CNTN5: variants seen among roughly 807,000 people sequenced by gnomAD.
CNTN5 encodes contactin 5.
CNTN5 carries 77 observed loss-of-function variants against 129.1 expected under a neutral mutation model. The ratio of observed to expected loss-of-function variants is 0.60; its 90% CI spans 0.50 to 0.72. The LOEUF (loss-of-function observed/expected upper bound fraction) is 0.72, where lower values mean the gene tolerates loss of function less well. CNTN5 is among the 30% of genes least tolerant of loss of function. The probability of loss-of-function intolerance (pLI) is 0.00; values close to 1 mark genes in which losing one functional copy is unlikely to be tolerated. For synonymous variants in CNTN5, 509 were observed against 465.6 expected, an observed-to-expected ratio of 1.09 and a Z score of -1.20; for missense variants, 1,478 against 1,328.8, an observed-to-expected ratio of 1.11 and a Z score of -1.75.
chr11:99,128,750 T>A (rs2135427161), intron 1 of CNTN5, among the ~76,000 whole-genome samples: 1 of 152,262 alleles, frequency 6.6e-6, no homozygotes, highest in Middle Eastern at 3.4e-3. Flanking sequence ...CCCTCTGGGA[T>A]GAAGCTTCCA....
At chr11:99,269,341 G>C (rs369466408) in intron 1 of CNTN5, among the ~76,000 whole-genome samples, 2 of 149,288 alleles carry the variant, frequency 1.3e-5, no homozygotes, top group African/African-American at 5.0e-5. Context: ...ATTTTTATTT[G>C]TTCCCTGATT....
At chr11:99,459,271 G>A (rs1944603914) in intron 2 of CNTN5, among the ~76,000 whole-genome samples, 2 of 152,028 alleles carry the variant, frequency 1.3e-5, no homozygotes, top group South Asian at 2.1e-4. Context: ...TGCCCAACAT[G>A]AAAATTAATA....
chr11:99,742,413 C>A (rs1591075440), intron 3 of CNTN5, among the ~76,000 whole-genome samples: 1 of 152,072 alleles, frequency 6.6e-6, no homozygotes, highest in East Asian at 1.9e-4. Context: ...AAGAAGGAAA[C>A]CTTGGTTCAG....
At chr11:99,129,981 A>C (rs1183278750) in intron 1 of CNTN5, among the ~76,000 whole-genome samples, 2 of 152,228 alleles carry the variant, frequency 1.3e-5, no homozygotes, top group Admixed American at 1.3e-4. Context: ...CATGAAAAGG[A>C]GAAAGTGTTA....
At chr11:99,670,240 G>C (rs375380814) in intron 3 of CNTN5, among the ~76,000 whole-genome samples, 3 of 152,076 alleles carry the variant, frequency 2.0e-5, no homozygotes, top group Admixed American at 2.0e-4. Flanking sequence ...AACAGCATAA[G>C]GTAGATAACA....
At chr11:99,343,859 G>C (rs924714998) in intron 2 of CNTN5, among the ~76,000 whole-genome samples, 2 of 152,068 alleles carry the variant, frequency 1.3e-5, no homozygotes, top group Non-Finnish European at 2.9e-5. Flanking sequence ...AAGTAAATGT[G>C]TAATTACATA....
intron 1 of CNTN5, among the ~76,000 whole-genome samples, chr11:99,021,539 A>T (rs1313755086): frequency 6.6e-6 from 1 of 152,210 alleles, no homozygotes; most frequent in Non-Finnish European, 1.5e-5. Flanking sequence ...AAATAAGAGT[A>T]AGCAATTCCT....
chr11:99,080,458 A>T (rs991642226), intron 1 of CNTN5, among the ~76,000 whole-genome samples: 1 of 152,120 alleles, frequency 6.6e-6, no homozygotes, highest in Non-Finnish European at 1.5e-5. Flanking sequence ...CCTCAGGTTA[A>T]CTCTTTTAAA....
Position 99,675,019 on chromosome 11 carries a change from GTTTT to G in CNTN5, c.55+118751_55+118754del, listed in dbSNP as rs529975193. Reference sequence around the variant, plus strand: ...TATTAGGAGGCATTTTTCTGGTTTTGTTTTGTTTTGTTTTGTTTTGTTTTGTTTC... The same window carrying G: ...TATTAGGAGGCATTTTTCTGGTTTTGGTTTTGTTTTGTTTTGTTTTGTTTC... On this transcript the variant is annotated intron_variant, in intron 3 of 24. Transcript: ENST00000524871. 1.3e-3 allele frequency among the ~76,000 whole-genome samples: 194 copies of G among 150,262 alleles called. 2 individuals carry two copies. Among genetic ancestry groups the G allele is most frequent in the African/African-American group, 3.6e-3 (145 of 40,052 alleles).
intron 13 of CNTN5, among the ~76,000 whole-genome samples, chr11:100,100,040 A>G (rs1325281594): frequency 6.6e-6 from 1 of 151,926 alleles, no homozygotes; most frequent in Admixed American, 6.6e-5. Context: ...CCAATTATCC[A>G]TTTGCTGCAT....
chr11:99,171,898 G>A (rs4143857), intron 1 of CNTN5, among the ~76,000 whole-genome samples: 15,183 of 152,120 alleles, frequency 0.1, 1,317 homozygotes, highest in East Asian at 0.4. Context: ...AATAATACGC[G>A]AATTTCATTC....
intron 3 of CNTN5, among the ~76,000 whole-genome samples, chr11:99,716,669 G>A (rs1955248903): frequency 6.6e-6 from 1 of 152,022 alleles, no homozygotes; most frequent in Non-Finnish European, 1.5e-5. Flanking sequence ...AGCATCCACA[G>A]AATTAATATT....
chr11:99,494,887 A>AT (rs1471456674), intron 2 of CNTN5, among the ~76,000 whole-genome samples: 10 of 152,126 alleles, frequency 6.6e-5, no homozygotes, highest in Admixed American at 1.3e-4. Flanking sequence ...GTATCTGTTC[A>AT]TTTTTTTCAC....
At chr11:99,171,607 T>A (rs1005628545) in intron 1 of CNTN5, among the ~76,000 whole-genome samples, 6 of 152,202 alleles carry the variant, frequency 3.9e-5, no homozygotes, top group Non-Finnish European at 8.8e-5. Flanking sequence ...AACAAGACAA[T>A]CAAGTCACCT....
chr11:100,307,621 A>G (rs1591500272), intron 20 of CNTN5, among the ~76,000 whole-genome samples: 1 of 151,642 alleles, frequency 6.6e-6, no homozygotes, highest in Admixed American at 6.6e-5. Context: ...TCCCACCTGC[A>G]CCTGTCTTAA....
At chr11:100,107,101 TGAACCTAGCTTA>T (rs1945467556) in intron 13 of CNTN5, among the ~76,000 whole-genome samples, 1 of 152,166 alleles carries the variant, frequency 6.6e-6, no homozygotes, top group African/African-American at 2.4e-5. Context: ...TTTCTAGTTT[TGAACCTAGCTTA>T]GACATTAACA....
chr11:100,237,315 C>T (rs1203078054), intron 16 of CNTN5, among the ~76,000 whole-genome samples: 1 of 152,118 alleles, frequency 6.6e-6, no homozygotes, highest in Non-Finnish European at 1.5e-5. Context: ...TAAGTTCACT[C>T]TAGTCTCTAT....
chr11:99,879,165 T>G (rs890437962), intron 6 of CNTN5, among the ~76,000 whole-genome samples: 1 of 151,994 alleles, frequency 6.6e-6, no homozygotes, highest in Non-Finnish European at 1.5e-5. Flanking sequence ...CTCGAACTCT[T>G]GACATCAGGT....
intron 2 of CNTN5, among the ~76,000 whole-genome samples, chr11:99,406,071 G>A (rs79705697): frequency 0.027 from 4,073 of 151,134 alleles, 78 homozygotes; most frequent in Admixed American, 0.042. Flanking sequence ...AGTTCACTTG[G>A]TGAGGTTATG....
Sources: allele counts gnomAD v4.1 joint callset (sites outside exome capture counted in the v4.1 genomes callset), GRCh38; gene constraint gnomAD v4.1.1; transcripts MANE v1.5; gene names NCBI Gene and HGNC (gene_info 2026-07-23, HGNC 2026-07-21).